Variants in ADAMTS3 observed in about 807,000 individuals in gnomAD.
The protein encoded by ADAMTS3 is ADAM metallopeptidase with thrombospondin type 1 motif 3.
ADAMTS3 carries 73 observed loss-of-function variants against 129.0 expected under a neutral mutation model. That is an observed-to-expected ratio of 0.57 (90% CI 0.47 to 0.69). The LOEUF is 0.69. ADAMTS3 is among the 30% of genes least tolerant of loss of function. The pLI is 0.00. For missense variants in ADAMTS3, 1,457 were observed against 1,514.5 expected, an observed-to-expected ratio of 0.96 and a Z score of 0.63; for synonymous variants, 477 against 510.8, an observed-to-expected ratio of 0.93 and a Z score of 0.89.
intron 3 of ADAMTS3, among the ~76,000 whole-genome samples, chr4:72,540,363 G>A (rs538650171): frequency 3.9e-5 from 6 of 152,278 alleles, no homozygotes; most frequent in South Asian, 2.1e-4. Flanking sequence ...TTCAAGAGGC[G>A]ACTTGGATGT....
At chr4:72,437,644 C>T (rs993075865) in intron 3 of ADAMTS3, among the ~76,000 whole-genome samples, 3 of 151,782 alleles carry the variant, frequency 2.0e-5, no homozygotes, top group Non-Finnish European at 4.4e-5. Flanking sequence ...TCAGCCAAGC[C>T]TCTGTGTTGG....
chr4:72,525,981 C>T (rs1272357052), intron 3 of ADAMTS3, among the ~76,000 whole-genome samples: 1 of 152,096 alleles, frequency 6.6e-6, no homozygotes, highest in Non-Finnish European at 1.5e-5. Flanking sequence ...TAGAGAGGGG[C>T]CAATGAGGTA....
chr4:72,434,769 G>C (rs912336606), intron 3 of ADAMTS3, among the ~76,000 whole-genome samples: 3 of 151,862 alleles, frequency 2.0e-5, no homozygotes, highest in Non-Finnish European at 4.4e-5. Flanking sequence ...GACTTCAGCA[G>C]GTGAGAGCTC....
At chr4:72,347,777 C>T (rs1255775569) in intron 4 of ADAMTS3, among the ~76,000 whole-genome samples, 1 of 151,914 alleles carries the variant, frequency 6.6e-6, no homozygotes, top group Non-Finnish European at 1.5e-5. Flanking sequence ...GAGGTCACCA[C>T]ACCCAATTAC....
At chr4:72,513,603 C>T (rs772328417) in intron 3 of ADAMTS3, among the ~76,000 whole-genome samples, 4 of 152,198 alleles carry the variant, frequency 2.6e-5, no homozygotes, top group Non-Finnish European at 1.5e-5. Context: ...GAACTTCCTT[C>T]TTTCCCCATA....
At chr4:72,457,992 G>A (rs1361565016) in intron 3 of ADAMTS3, among the ~76,000 whole-genome samples, 5 of 151,378 alleles carry the variant, frequency 3.3e-5, no homozygotes, top group Non-Finnish European at 7.4e-5. Flanking sequence ...ACAGCCCCTG[G>A]CACTGATTTT....
intron 3 of ADAMTS3, among the ~76,000 whole-genome samples, chr4:72,543,462 C>G (rs1452239892): frequency 6.6e-6 from 1 of 151,988 alleles, no homozygotes; most frequent in Non-Finnish European, 1.5e-5. Context: ...TGGAAGCAAT[C>G]CAAGTGTCTA....
chr4:72,428,704 G>A (rs543945919), intron 3 of ADAMTS3, among the ~76,000 whole-genome samples: 1 of 152,068 alleles, frequency 6.6e-6, no homozygotes, highest in Non-Finnish European at 1.5e-5. Flanking sequence ...AGCATTACTT[G>A]TGAAAAGTCA....
At chr4:72,365,341 C>T (rs1470470830) in intron 4 of ADAMTS3, among the ~76,000 whole-genome samples, 1 of 152,106 alleles carries the variant, frequency 6.6e-6, no homozygotes, top group African/African-American at 2.4e-5. Flanking sequence ...TCTTGATAAC[C>T]TCTTGCTGGA....
At chr4:72,531,042 G>A (rs1360358715) in intron 3 of ADAMTS3, among the ~76,000 whole-genome samples, 2 of 151,290 alleles carry the variant, frequency 1.3e-5, no homozygotes, top group African/African-American at 2.4e-5. Context: ...AAATGCCAAT[G>A]CAGCTTCTAT....
chr4:72,320,813 A>G lies in ADAMTS3; in HGVS notation c.1003T>C (p.Trp335Arg). The change falls in exon 7 of 22, where the codon TGG becomes CGG. Residue 335 changes from tryptophan to arginine, a missense_variant. Trp to Arg is a moderately radical substitution (Grantham distance 101). Coordinates refer to ENST00000286657, the MANE Select transcript of ADAMTS3 (RefSeq NM_014243.3). ...TCAGATCTTTGCTGTTGGGACGCCC[A>G]GCGACACACATTCTCCAAGCTTCTG... ...PSRSLENVCRWASQQQRSDLN... is the reference protein window; with the variant it reads ...PSRSLENVCRRASQQQRSDLN... 3 of 1,614,026 alleles carry G rather than the reference A, an allele frequency of 1.9e-6. No individual in the cohort carries two copies. Among genetic ancestry groups the G allele is most frequent in the Non-Finnish European group, 2.5e-6 (3 of 1,179,914 alleles).
At chr4:72,302,924 C>T (rs1244063655) in intron 17 of ADAMTS3, among the ~76,000 whole-genome samples, 1 of 152,140 alleles carries the variant, frequency 6.6e-6, no homozygotes, top group Admixed American at 6.6e-5. Context: ...CAGGCTGAGG[C>T]TGAGATCTGT....
chr4:72,481,182 T>A (rs1317195148), intron 3 of ADAMTS3, among the ~76,000 whole-genome samples: 2 of 152,184 alleles, frequency 1.3e-5, no homozygotes, highest in African/African-American at 2.4e-5. Flanking sequence ...GCAATATTTT[T>A]CATAGATATA....
intron 4 of ADAMTS3, among the ~76,000 whole-genome samples, chr4:72,372,088 T>C (rs1721024065): frequency 6.6e-6 from 1 of 152,126 alleles, no homozygotes. Flanking sequence ...AATATTAGAA[T>C]TTATGTGATG....
At chr4:72,531,206 T>C (rs1220604513) in intron 3 of ADAMTS3, among the ~76,000 whole-genome samples, 1 of 152,068 alleles carries the variant, frequency 6.6e-6, no homozygotes, top group Non-Finnish European at 1.5e-5. Context: ...AAAAATGTAT[T>C]ATGGATTTGA....
At chr4:72,336,493 T>A (rs1327143195) in intron 5 of ADAMTS3, among the ~76,000 whole-genome samples, 1 of 152,162 alleles carries the variant, frequency 6.6e-6, no homozygotes, top group East Asian at 1.9e-4. Flanking sequence ...TGCTTCTCAT[T>A]CTCATTTGAT....
intron 3 of ADAMTS3, among the ~76,000 whole-genome samples, chr4:72,539,324 A>T (rs1190283749): frequency 6.6e-6 from 1 of 151,972 alleles, no homozygotes; most frequent in African/African-American, 2.4e-5. Flanking sequence ...CAACCACCAG[A>T]TTCAAAAATG....
intron 4 of ADAMTS3, among the ~76,000 whole-genome samples, chr4:72,399,437 AAG>A (rs1721817426): frequency 6.6e-6 from 1 of 152,106 alleles, no homozygotes; most frequent in South Asian, 2.1e-4. Context: ...TTCTCTGAAA[AAG>A]AAAAAATTAT....
intron 3 of ADAMTS3, among the ~76,000 whole-genome samples, chr4:72,486,062 C>A (rs1719583727): frequency 6.6e-6 from 1 of 152,088 alleles, no homozygotes; most frequent in Non-Finnish European, 1.5e-5. Flanking sequence ...CATATAGCAG[C>A]CCAAATAGAC....
Sources: gnomAD v4.1 joint callset for allele counts (sites outside exome capture counted in the v4.1 genomes callset) on GRCh38, gnomAD v4.1.1 for gene constraint, MANE v1.5 for transcripts, NCBI Gene and HGNC (gene_info 2026-07-23, HGNC 2026-07-21) for gene names.